Variants in ANO2 observed in about 807,000 individuals in gnomAD.
ANO2 encodes the protein anoctamin-2.
A neutral mutation model predicts 124.2 loss-of-function variants in ANO2; 101 were observed. That is an observed-to-expected ratio of 0.81 (90% CI 0.69 to 0.96). The LOEUF is 0.96. Ranked by LOEUF, ANO2 falls within the 40% of genes least tolerant of loss-of-function variation. ANO2 has a pLI of 0.00. For synonymous variants in ANO2, 486 were observed against 482.5 expected (o/e 1.01, Z -0.09); for missense variants, 1,293 against 1,274.5 (o/e 1.01, Z -0.22).
chr12:5,601,990 G>A (rs1342010923), intron 19 of ANO2, among the ~76,000 whole-genome samples: 1 of 152,178 alleles, frequency 6.6e-6, no homozygotes, highest in African/African-American at 2.4e-5. Context: ...AGGGGGTGGT[G>A]ACTGGTCAAA....
intron 14 of ANO2, among the ~76,000 whole-genome samples, chr12:5,659,081 C>T (rs1436813037): frequency 6.6e-6 from 1 of 152,146 alleles, no homozygotes; most frequent in Non-Finnish European, 1.5e-5. Context: ...CCACCTGGTC[C>T]CACTGTCCCC....
chr12:5,572,837 C>T (rs1443910926), intron 23 of ANO2, among the ~76,000 whole-genome samples: 1 of 152,158 alleles, frequency 6.6e-6, no homozygotes, highest in African/African-American at 2.4e-5. Context: ...ACTGATAATT[C>T]TGCCACTCGG....
chr12:5,926,743 C>T (rs1433727686), intron 1 of ANO2, among the ~76,000 whole-genome samples: 1 of 152,192 alleles, frequency 6.6e-6, no homozygotes, highest in Non-Finnish European at 1.5e-5. Context: ...CCAACCTAGA[C>T]ATGAGTAAGG....
At chr12:5,583,242 C>T (rs1256643168) in intron 20 of ANO2, among the ~76,000 whole-genome samples, 3 of 152,206 alleles carry the variant, frequency 2.0e-5, no homozygotes, top group Non-Finnish European at 4.4e-5. Flanking sequence ...GAAGTATGAA[C>T]ACCTCTACAT....
At chr12:5,628,587 C>A (rs552667085) in intron 16 of ANO2, among the ~76,000 whole-genome samples, 1 of 152,156 alleles carries the variant, frequency 6.6e-6, no homozygotes, top group Admixed American at 6.5e-5. Flanking sequence ...ATTACCTACC[C>A]TCCTGGGGCT....
At chr12:5,754,737 C>T (rs1951529671) in intron 10 of ANO2, among the ~76,000 whole-genome samples, 1 of 152,024 alleles carries the variant, frequency 6.6e-6, no homozygotes, top group South Asian at 2.1e-4. Context: ...TATAATTGTT[C>T]ATAATAATTC....
At chr12:5,857,117 G>T (rs918141103) in intron 3 of ANO2, among the ~76,000 whole-genome samples, 1 of 152,124 alleles carries the variant, frequency 6.6e-6, no homozygotes. Context: ...AACCATCACC[G>T]AATGCATCCC....
chr12:5,933,417 A>G (rs528847378), intron 1 of ANO2, among the ~76,000 whole-genome samples: 5 of 152,330 alleles, frequency 3.3e-5, no homozygotes, highest in African/African-American at 1.2e-4. Flanking sequence ...GCAAGAGAAC[A>G]ACATAATTAG....
intron 10 of ANO2, among the ~76,000 whole-genome samples, chr12:5,779,665 A>G (rs1380115092): frequency 2.0e-5 from 3 of 152,216 alleles, no homozygotes; most frequent in Non-Finnish European, 4.4e-5. Flanking sequence ...CAGAGCTAAC[A>G]TCACCAAAAA....
chr12:5,746,933 A>G (rs1177466074), intron 11 of ANO2, among the ~76,000 whole-genome samples: 1 of 152,242 alleles, frequency 6.6e-6, no homozygotes, highest in Non-Finnish European at 1.5e-5. Flanking sequence ...TGGTGAGTAG[A>G]GACAGGGAAG....
At chr12:5,609,772 G>A (rs1433934646) in intron 19 of ANO2, among the ~76,000 whole-genome samples, 1 of 151,688 alleles carries the variant, frequency 6.6e-6, no homozygotes, top group East Asian at 1.9e-4. Context: ...TCAAAGAACT[G>A]CCAGCTCATT....
At chr12:5,883,927 T>C (rs1938699631) in intron 3 of ANO2, among the ~76,000 whole-genome samples, 1 of 152,214 alleles carries the variant, frequency 6.6e-6, no homozygotes, top group African/African-American at 2.4e-5. Flanking sequence ...CTGTGCATTA[T>C]CTAACTTAAA....
Position 5,923,168 on chromosome 12 carries a change from A to G in ANO2, c.23-364T>C, listed in dbSNP as rs1472884894. 5.3e-4 allele frequency among the ~76,000 whole-genome samples: 33 copies of G among 62,064 alleles called. 7 individuals carry two copies. The highest frequency in any genetic ancestry group is 1.3e-3 in the African/African-American group (29 of 22,016). The allele number at this position is 62,064 out of a possible 152,430, so 40.7% of individuals were successfully genotyped here. ...TGCACACATACACACACGCATACAC[A>G]CACACGCACACACACATACACACAC... On this transcript the variant is annotated intron_variant, in intron 1 of 24. Coordinates refer to ENST00000682330, the MANE Select transcript of ANO2 (RefSeq NM_001364791.2).
Position 5,635,398 on chromosome 12 carries a change from C to T in ANO2, c.1621-51G>A. 1 of 1,402,744 alleles carries T rather than the reference C, an allele frequency of 7.1e-7. No homozygotes were observed. Among genetic ancestry groups the T allele is most frequent in the Non-Finnish European group, 9.4e-7 (1 of 1,061,890 alleles). 86.9% of individuals were successfully genotyped at this position (1,402,744 alleles called of 1,614,324 possible). ...CACATCAGCCGGCAATTACCGAGCACCTACTATTTGCTCTGCCAACAGTAC... is the reference window on the plus strand; with the variant it reads ...CACATCAGCCGGCAATTACCGAGCATCTACTATTTGCTCTGCCAACAGTAC... On this transcript the variant is annotated intron_variant, in intron 15 of 24. Transcript: ENST00000682330. The surrounding 1 kb of genome is among the most constrained non-coding windows in gnomAD (Gnocchi z 5.2).
intron 7 of ANO2, among the ~76,000 whole-genome samples, chr12:5,807,979 TC>T (rs1174824850): frequency 6.6e-6 from 1 of 152,248 alleles, no homozygotes; most frequent in Admixed American, 6.5e-5. Flanking sequence ...TTCTCACTCT[TC>T]CTTCACAAGT....
intron 16 of ANO2, among the ~76,000 whole-genome samples, chr12:5,619,333 A>G (rs1209837970): frequency 6.6e-6 from 1 of 152,252 alleles, no homozygotes; most frequent in East Asian, 1.9e-4. Context: ...TAATAGAAAT[A>G]TAGGTAGACA....
intron 10 of ANO2, among the ~76,000 whole-genome samples, chr12:5,762,495 A>T (rs910330792): frequency 3.3e-5 from 5 of 151,996 alleles, no homozygotes; most frequent in South Asian, 2.1e-4. Context: ...GAGAAACAAC[A>T]CTATATGCAA....
At chr12:5,718,719 A>G (rs1198360644) in intron 14 of ANO2, among the ~76,000 whole-genome samples, 1 of 152,228 alleles carries the variant, frequency 6.6e-6, no homozygotes, top group Non-Finnish European at 1.5e-5. Flanking sequence ...GATTCAGTCA[A>G]TGGAAGGTAC....
chr12:5,733,107 C>T (rs1312533984), intron 13 of ANO2: 14 of 599,612 alleles, frequency 2.3e-5, no homozygotes, highest in Non-Finnish European at 4.2e-5. Flanking sequence ...AAAACTCCTT[C>T]CCTGCTCCAT....
Sources: gnomAD v4.1 joint callset for allele counts (sites outside exome capture counted in the v4.1 genomes callset) on GRCh38, gnomAD v4.1.1 for gene constraint, Gnocchi (gnomAD v3.1) non-coding constraint, MANE v1.5 for transcripts, NCBI Gene and HGNC (gene_info 2026-07-23, HGNC 2026-07-21) for gene names.